The following ABRAXAS2 variants were observed in gnomAD, a reference collection of about 807,000 sequenced individuals.
ABRAXAS2 encodes the protein abraxas 2, BRISC complex subunit, also known as BRISC complex subunit Abraxas 2.
A neutral mutation model predicts 49.0 loss-of-function variants in ABRAXAS2; 23 were observed. That is an observed-to-expected ratio of 0.47 (90% CI 0.34 to 0.66). The LOEUF is 0.66. ABRAXAS2 is among the 30% of genes least tolerant of loss of function. ABRAXAS2 has a pLI of 0.01. For synonymous variants in ABRAXAS2, 168 were observed against 180.2 expected, an observed-to-expected ratio of 0.93 and a Z score of 0.54; for missense variants, 443 against 511.9, an observed-to-expected ratio of 0.87 and a Z score of 1.30.
rs1950962537 is a variant in ABRAXAS2 at position 124,835,252 on chromosome 10, G to A, written c.*281G>A. ...AATTTAGGCAAAGTGAAACTTATCA[G>A]CGTAGTTTCTGTTCTTTAAAATAAA... On this transcript the variant is annotated 3_prime_UTR_variant, in exon 9 of 9. Coordinates refer to ENST00000298492, the MANE Select transcript of ABRAXAS2 (RefSeq NM_032182.4). The A allele has an allele frequency of 7.3e-6, 2 of 275,738 alleles. No individual in the cohort carries two copies. 17.1% of individuals were successfully genotyped at this position (275,738 alleles called of 1,614,324 possible).
intron 5 of ABRAXAS2, among the ~76,000 whole-genome samples, chr10:124,827,410 C>T (rs1227094672): frequency 6.6e-6 from 1 of 152,020 alleles, no homozygotes; most frequent in Middle Eastern, 3.2e-3. Context: ...GATCCACCTG[C>T]CTCGGCCTCC....
In ABRAXAS2 at chr10:124,806,873, A is replaced by G. The variant is rs1374508635; in HGVS notation, c.115A>G (p.Ser39Gly). The G allele has an allele frequency of 5.1e-5, 83 of 1,612,130 alleles. 4 individuals are homozygous for G. The Admixed American group carries it at 1.3e-3, about 26-fold the overall frequency. Residue 39 changes from serine (S) to glycine (G), a missense_variant, in exon 2 of 9, where the codon AGC (serine) becomes GGC (glycine). Physicochemically the swap from Ser to Gly is moderately conservative, Grantham distance 56. Around this residue, in one of 3 missense-constraint regions of ABRAXAS2, gnomAD observed 166 missense variants for 247.3 expected, o/e 0.67. Transcript: ENST00000298492. ...AGAGGTAAGACAAGAGGAAACGTTT[A>G]GCATCAGTGACTCACAAATCAGCAA... ...LGEVRQEETFSISDSQISNTE... is the reference protein window; with the variant it reads ...LGEVRQEETFGISDSQISNTE...
Position 124,810,958 on chromosome 10 carries a change from G to A in ABRAXAS2, c.163+4037G>A, listed in dbSNP as rs1252322826. 3.3e-5 allele frequency among the ~76,000 whole-genome samples: 5 copies of A among 149,686 alleles called. No homozygotes were observed. The East Asian group carries it at 1.0e-3, about 31-fold the overall frequency. On this transcript the variant is annotated intron_variant, in intron 2 of 8. Coordinates refer to ENST00000298492, the MANE Select transcript of ABRAXAS2 (RefSeq NM_032182.4). The stretch of plus-strand genomic sequence containing the variant: ...AAAACAGCCGGGCGTGGTGGCTCAC[G>A]CCTGTAATCCCAGCACTTTGGGAGG...
intron 4 of ABRAXAS2, 37 bp downstream of exon 4, chr10:124,819,487 C>A (rs370584292): frequency 9.7e-6 from 15 of 1,552,156 alleles, no homozygotes; most frequent in Non-Finnish European, 1.2e-5. Context: ...ATTCTGAAAT[C>A]GTTCCTTATC....
intron 2 of ABRAXAS2, among the ~76,000 whole-genome samples, chr10:124,808,744 C>A (rs1950764375): frequency 6.6e-6 from 1 of 152,160 alleles, no homozygotes; most frequent in East Asian, 1.9e-4. Context: ...CAGGGGAGCA[C>A]AGAACGAGGT....
chr10:124,825,437 T>C (rs549453238), intron 4 of ABRAXAS2, among the ~76,000 whole-genome samples: 1 of 152,276 alleles, frequency 6.6e-6, no homozygotes, highest in African/African-American at 2.4e-5. Flanking sequence ...TGTTCAGTAG[T>C]ACTCCTTAAG....
chr10:124,808,179 T>C (rs1413254780), intron 2 of ABRAXAS2, among the ~76,000 whole-genome samples: 1 of 117,616 alleles, frequency 8.5e-6, no homozygotes, highest in Admixed American at 7.9e-5. Context: ...TGCGGCAAAC[T>C]TTTTTTTTTT....
At chr10:124,831,842 CTTTTTTTTTTTT>C (rs71029219) in intron 8 of ABRAXAS2, among the ~76,000 whole-genome samples, 3 of 37,698 alleles carry the variant, frequency 8.0e-5, no homozygotes, top group African/African-American at 2.2e-4. Flanking sequence ...TGTGTCCTGT[CTTTTTTTTTTTT>C]TTTTTTTTTT....
chr10:124,823,795 C>T (rs1441746164), intron 4 of ABRAXAS2, among the ~76,000 whole-genome samples: 2 of 152,240 alleles, frequency 1.3e-5, no homozygotes, highest in Admixed American at 1.3e-4. Context: ...GACTTAGTTT[C>T]TCAGTAGCTT....
At chr10:124,806,493 A>G (rs1338246490) in intron 1 of ABRAXAS2, among the ~76,000 whole-genome samples, 1 of 152,222 alleles carries the variant, frequency 6.6e-6, no homozygotes, top group Non-Finnish European at 1.5e-5. Context: ...ATGTGATTTC[A>G]AGAAAGCAAC....
intron 4 of ABRAXAS2, among the ~76,000 whole-genome samples, chr10:124,820,718 C>A (rs1457889000): frequency 6.6e-6 from 1 of 151,540 alleles, no homozygotes; most frequent in Non-Finnish European, 1.5e-5. Context: ...AAGTGATCCA[C>A]CTGCCTCGGC....
At chr10:124,826,171 GA>G (rs1027050221) in intron 4 of ABRAXAS2, among the ~76,000 whole-genome samples, 3 of 152,192 alleles carry the variant, frequency 2.0e-5, no homozygotes, top group Non-Finnish European at 2.9e-5. Flanking sequence ...ACCATATTAA[GA>G]TAACGAGCAT....
chr10:124,819,898 G>A (rs1267228024), intron 4 of ABRAXAS2, among the ~76,000 whole-genome samples: 1 of 152,028 alleles, frequency 6.6e-6, no homozygotes, highest in Non-Finnish European at 1.5e-5. Context: ...AGGTAAGCAA[G>A]TCTGAATACA....
intron 1 of ABRAXAS2, among the ~76,000 whole-genome samples, chr10:124,804,096 T>C (rs1329189928): frequency 1.2e-4 from 19 of 152,180 alleles, no homozygotes; most frequent in Admixed American, 1.2e-3. Context: ...ACAGACAAGG[T>C]CTTGCTATGT....
At chr10:124,809,625 A>G (rs531315224) in intron 2 of ABRAXAS2, among the ~76,000 whole-genome samples, 27 of 152,206 alleles carry the variant, frequency 1.8e-4, no homozygotes, top group Admixed American at 1.6e-3. Flanking sequence ...ATTAAGGGGA[A>G]TCAAGAGGCT....
At position 124,822,756 on chromosome 10, in the gene ABRAXAS2, C is replaced by T. The variant is rs189855205; in HGVS notation, c.267+3306C>T. Among the ~76,000 whole-genome samples the T allele has an allele frequency of 6.6e-3, 968 of 147,702 alleles. 13 individuals are homozygous for T. Among genetic ancestry groups the T allele is most frequent in the African/African-American group, 0.024 (942 of 39,820 alleles). On this transcript the variant is annotated intron_variant, in intron 4 of 8. Transcript: ENST00000298492. ...GCAGTGAGCTGAGATTGCATCATTG[C>T]GCTCCAGCCTGGGCGACAGAGCAAG...
intron 4 of ABRAXAS2, among the ~76,000 whole-genome samples, chr10:124,820,480 T>G (rs1421095425): frequency 2.6e-5 from 4 of 152,162 alleles, no homozygotes; most frequent in Non-Finnish European, 4.4e-5. Context: ...ATACTTTTTT[T>G]TAAAGTTTTT....
rs772990001 is a variant in ABRAXAS2 at position 124,828,737 on chromosome 10, C to G, written c.459-19C>G. 8 of 1,608,414 alleles carry G rather than the reference C, an allele frequency of 5.0e-6. No individual in the cohort carries two copies. The highest frequency in any genetic ancestry group is 1.3e-5 in the African/African-American group (1 of 74,624). ...TAGAATGGTACATTTAACATGATCTCTCTGAATTTTTCCCATAGGTATAAT... is the reference window on the plus strand; with the variant it reads ...TAGAATGGTACATTTAACATGATCTGTCTGAATTTTTCCCATAGGTATAAT... On this transcript the variant is annotated intron_variant, in intron 5 of 8. Coordinates refer to ENST00000298492, the MANE Select transcript of ABRAXAS2 (RefSeq NM_032182.4).
chr10:124,821,816 A>G (rs1481059062), intron 4 of ABRAXAS2, among the ~76,000 whole-genome samples: 4 of 152,196 alleles, frequency 2.6e-5, no homozygotes, highest in Non-Finnish European at 5.9e-5. Flanking sequence ...AGAATTTTGA[A>G]TATTCCATTT....
Sources: gnomAD v4.1 joint callset for allele counts (sites outside exome capture counted in the v4.1 genomes callset) on GRCh38, gnomAD v4.1.1 for gene constraint, gnomAD v4.1.1 regional missense constraint, MANE v1.5 for transcripts, NCBI Gene and HGNC (gene_info 2026-07-23, HGNC 2026-07-21) for gene names.